CSNK2A2IP: variants seen among roughly 807,000 people sequenced by gnomAD.
CSNK2A2IP encodes casein kinase II subunit alpha'-interacting protein.
the CSNK2A2IP span, among the ~76,000 whole-genome samples, chr3:88,386,356 C>G: frequency 4.6e-5 from 7 of 152,182 alleles, no homozygotes; most frequent in Non-Finnish European, 7.3e-5. Flanking sequence ...AAACACCTGA[C>G]CTCAGGTGAT....
the CSNK2A2IP span, among the ~76,000 whole-genome samples, chr3:88,369,534 G>A: frequency 6.6e-6 from 1 of 152,058 alleles, no homozygotes; most frequent in Admixed American, 6.6e-5. Context: ...CAGCCTACAT[G>A]ACTCAGTTTC....
the CSNK2A2IP span, among the ~76,000 whole-genome samples, chr3:88,351,967 C>T: frequency 1.3e-5 from 2 of 151,948 alleles, no homozygotes; most frequent in Non-Finnish European, 2.9e-5. Context: ...AGCATTAAAA[C>T]GTTTATTATT....
chr3:88,446,118 T>C, the CSNK2A2IP span, among the ~76,000 whole-genome samples: 342 of 147,182 alleles, frequency 2.3e-3, 5 homozygotes, highest in African/African-American at 8.6e-3. Context: ...TTCTTTCTTT[T>C]TTTTCTTTCT....
the CSNK2A2IP span, among the ~76,000 whole-genome samples, chr3:88,444,680 A>T: frequency 2.6e-5 from 4 of 152,296 alleles, no homozygotes; most frequent in African/African-American, 7.2e-5. Context: ...AAATCTAATC[A>T]TTTTCATTTC....
the CSNK2A2IP span, among the ~76,000 whole-genome samples, chr3:88,426,897 G>GA: frequency 2.0e-5 from 3 of 151,444 alleles, 1 homozygote; most frequent in African/African-American, 4.8e-5. Flanking sequence ...GATGGGGGGG[G>GA]GCGGTGGGGT....
the CSNK2A2IP span, among the ~76,000 whole-genome samples, chr3:88,368,905 C>G: frequency 6.6e-6 from 1 of 151,934 alleles, no homozygotes; most frequent in Non-Finnish European, 1.5e-5. Flanking sequence ...TTCTCACAAG[C>G]TCTGTAAACC....
At chr3:88,353,554 A>T in the CSNK2A2IP span, among the ~76,000 whole-genome samples, 3 of 152,286 alleles carry the variant, frequency 2.0e-5, no homozygotes, top group Admixed American at 1.3e-4. Context: ...TCTCCTGGCC[A>T]ATGTTGGAAA....
chr3:88,346,857 G>A, the CSNK2A2IP span, among the ~76,000 whole-genome samples: 511 of 151,814 alleles, frequency 3.4e-3, 1 homozygote, highest in African/African-American at 0.011. Flanking sequence ...ATTTTGTGAG[G>A]CTATAGCTGC....
the CSNK2A2IP span, among the ~76,000 whole-genome samples, chr3:88,416,144 G>A: frequency 4.6e-5 from 7 of 151,636 alleles, no homozygotes; most frequent in African/African-American, 7.3e-5. Context: ...GGTGGCACGC[G>A]CCTGTAGTCC....
chr3:88,358,271 A>G, the CSNK2A2IP span, among the ~76,000 whole-genome samples: 1 of 119,464 alleles, frequency 8.4e-6, no homozygotes, highest in Admixed American at 7.9e-5. Flanking sequence ...ATAAAATCAT[A>G]TCATCTGCAA....
the CSNK2A2IP span, among the ~76,000 whole-genome samples, chr3:88,449,874 T>G: frequency 0.76 from 53,751 of 70,806 alleles, 20,145 homozygotes; most frequent in South Asian, 0.84. Context: ...TATATATATA[T>G]AGAGAGAGAG....
At chr3:88,394,976 G>A in the CSNK2A2IP span, among the ~76,000 whole-genome samples, 1 of 152,028 alleles carries the variant, frequency 6.6e-6, no homozygotes, top group Admixed American at 6.5e-5. Flanking sequence ...TACAAACCCC[G>A]GTGACACATG....
chr3:88,375,071 C>T, the CSNK2A2IP span, among the ~76,000 whole-genome samples: 4 of 151,668 alleles, frequency 2.6e-5, no homozygotes, highest in African/African-American at 9.7e-5. Flanking sequence ...AGTCACCTCA[C>T]TGTCATAATT....
the CSNK2A2IP span, among the ~76,000 whole-genome samples, chr3:88,346,209 A>G: frequency 1.3e-5 from 2 of 152,016 alleles, no homozygotes; most frequent in South Asian, 4.1e-4. Flanking sequence ...GTTGGTTATA[A>G]GATTCAAGGA....
At chr3:88,461,735 A>G in the CSNK2A2IP span, among the ~76,000 whole-genome samples, 1 of 151,930 alleles carries the variant, frequency 6.6e-6, no homozygotes, top group East Asian at 1.9e-4. Context: ...ATGTGTAGCA[A>G]TATCTCTCTG....
the CSNK2A2IP span, among the ~76,000 whole-genome samples, chr3:88,454,457 T>G: frequency 3.3e-5 from 5 of 150,448 alleles, no homozygotes; most frequent in African/African-American, 1.2e-4. Flanking sequence ...CTTTTACTGA[T>G]TGAGCTTTTG....
chr3:88,416,660 C>G, the CSNK2A2IP span, among the ~76,000 whole-genome samples: 3 of 152,188 alleles, frequency 2.0e-5, no homozygotes, highest in African/African-American at 7.2e-5. Context: ...AATACATCCA[C>G]TCATTGTCAG....
the CSNK2A2IP span, among the ~76,000 whole-genome samples, chr3:88,460,593 A>G: frequency 1.3e-5 from 2 of 151,992 alleles, no homozygotes; most frequent in African/African-American, 4.8e-5. Flanking sequence ...TATACTTTTT[A>G]TTGAAGTAAA....
chr3:88,447,972 G>A, the CSNK2A2IP span, among the ~76,000 whole-genome samples: 2,133 of 152,154 alleles, frequency 0.014, 40 homozygotes, highest in African/African-American at 0.048. Flanking sequence ...TTTCCAAAGC[G>A]TTAATTTCAA....
Sources: gnomAD v4.1 joint callset for allele counts (sites outside exome capture counted in the v4.1 genomes callset) on GRCh38, gnomAD v4.1.1 for gene constraint, MANE v1.5 for transcripts, NCBI Gene and HGNC (gene_info 2026-07-23, HGNC 2026-07-21) for gene names.